PXDNL: variants seen among roughly 807,000 people sequenced by gnomAD.
PXDNL encodes the protein peroxidasin like.
A neutral mutation model predicts 150.8 loss-of-function variants in PXDNL; 145 were observed. The ratio of observed to expected loss-of-function variants is 0.96; its 90% CI spans 0.84 to 1.10. PXDNL has a LOEUF of 1.10. Ranked by LOEUF, PXDNL falls within the 50% of genes least tolerant of loss-of-function variation. PXDNL has a pLI of 0.00. For synonymous variants in PXDNL, 757 were observed against 725.7 expected (o/e 1.04, Z -0.69); for missense variants, 2,087 against 1,873.9 (o/e 1.11, Z -2.10).
chr8:51,450,029 A>T (rs1809766983), intron 10 of PXDNL, among the ~76,000 whole-genome samples: 1 of 152,196 alleles, frequency 6.6e-6, no homozygotes, highest in Admixed American at 6.5e-5. Flanking sequence ...TGTGCTAAAC[A>T]TGGGGTGGAT....
At chr8:51,576,905 T>A (rs1274258473) in intron 3 of PXDNL, among the ~76,000 whole-genome samples, 16 of 151,708 alleles carry the variant, frequency 1.1e-4, no homozygotes. Context: ...TTAGAAAAAA[T>A]GGACAACTTC....
At chr8:51,564,238 G>A (rs890080655) in intron 3 of PXDNL, among the ~76,000 whole-genome samples, 13 of 151,940 alleles carry the variant, frequency 8.6e-5, no homozygotes, top group Non-Finnish European at 1.5e-4. Context: ...AGCACTCAAA[G>A]TCTAACGGGA....
At chr8:51,554,106 T>C (rs1812552008) in intron 4 of PXDNL, among the ~76,000 whole-genome samples, 1 of 152,188 alleles carries the variant, frequency 6.6e-6, no homozygotes, top group Non-Finnish European at 1.5e-5. Context: ...TAAAGACTTA[T>C]CGTGTGAGGT....
intron 16 of PXDNL, among the ~76,000 whole-genome samples, chr8:51,410,473 G>C (rs137977770): frequency 5.9e-5 from 9 of 152,306 alleles, no homozygotes; most frequent in Non-Finnish European, 1.2e-4. Context: ...ATCATACTGG[G>C]TGACCAGGGA....
chr8:51,805,420 C>T (rs1455848462), intron 1 of PXDNL, among the ~76,000 whole-genome samples: 2 of 147,260 alleles, frequency 1.4e-5, no homozygotes, highest in African/African-American at 4.9e-5. Flanking sequence ...CCTATTATTC[C>T]ATAACACATC....
chr8:51,767,073 CCTT>C (rs1563314925), intron 1 of PXDNL, among the ~76,000 whole-genome samples: 1 of 151,838 alleles, frequency 6.6e-6, no homozygotes, highest in Non-Finnish European at 1.5e-5. Flanking sequence ...CTATGTCTGT[CCTT>C]CTATTCTTTA....
intron 1 of PXDNL, among the ~76,000 whole-genome samples, chr8:51,745,582 AC>A (rs1439725043): frequency 6.6e-6 from 1 of 152,176 alleles, no homozygotes; most frequent in East Asian, 1.9e-4. Context: ...GCAAATGGCC[AC>A]CCTGTTCCCA....
intron 20 of PXDNL, among the ~76,000 whole-genome samples, chr8:51,341,105 G>T (rs1805973148): frequency 1.3e-5 from 2 of 152,216 alleles, no homozygotes; most frequent in Non-Finnish European, 2.9e-5. Flanking sequence ...CAGGCATTCT[G>T]CTCAGGTAGA....
chr8:51,512,540 T>C (rs1811444441), intron 4 of PXDNL, among the ~76,000 whole-genome samples: 1 of 152,256 alleles, frequency 6.6e-6, no homozygotes, highest in Non-Finnish European at 1.5e-5. Flanking sequence ...ACTCCATTTT[T>C]GTTTAAGGGG....
At chr8:51,664,975 G>A (rs746612278) in intron 1 of PXDNL, among the ~76,000 whole-genome samples, 6 of 152,124 alleles carry the variant, frequency 3.9e-5, no homozygotes, top group Non-Finnish European at 8.8e-5. Flanking sequence ...TGGTGAAGTC[G>A]AGGGCACCAC....
intron 5 of PXDNL, among the ~76,000 whole-genome samples, chr8:51,490,598 T>C (rs1810866148): frequency 6.6e-6 from 1 of 150,546 alleles, no homozygotes; most frequent in South Asian, 2.1e-4. Flanking sequence ...TATATATATA[T>C]ATTTAGTGGA....
At chr8:51,325,361 G>A (rs1032910746) in intron 21 of PXDNL, among the ~76,000 whole-genome samples, 1 of 152,190 alleles carries the variant, frequency 6.6e-6, no homozygotes, top group Non-Finnish European at 1.5e-5. Context: ...GGCATGGGAA[G>A]AGGGGTCCCA....
intron 4 of PXDNL, among the ~76,000 whole-genome samples, chr8:51,532,651 T>C (rs911854644): frequency 1.3e-5 from 2 of 152,238 alleles, no homozygotes; most frequent in Admixed American, 6.5e-5. Flanking sequence ...GTAAGCAGAA[T>C]GTAAAGGCTT....
chr8:51,722,054 T>A (rs4873582), intron 1 of PXDNL: 184,657 of 190,620 alleles, frequency 0.97, 89,711 homozygotes, highest in East Asian at 1. Context: ...AATCTGCTGC[T>A]GCTGTTCTAC....
At chr8:51,457,252 T>C (rs1809956865) in intron 9 of PXDNL, among the ~76,000 whole-genome samples, 2 of 152,322 alleles carry the variant, frequency 1.3e-5, no homozygotes, top group Middle Eastern at 3.4e-3. Flanking sequence ...GCTGGATAGC[T>C]GGATGGGGAA....
At chr8:51,678,836 G>A (rs972438532) in intron 1 of PXDNL, among the ~76,000 whole-genome samples, 2 of 152,072 alleles carry the variant, frequency 1.3e-5, no homozygotes, top group African/African-American at 2.4e-5. Flanking sequence ...CCTGCACATT[G>A]TGCACATGTA....
chr8:51,414,056 G>T (rs75418328), intron 14 of PXDNL, among the ~76,000 whole-genome samples: 4,647 of 152,044 alleles, frequency 0.031, 179 homozygotes, highest in African/African-American at 0.09. Flanking sequence ...TTTAAATGTT[G>T]AGTTTGAAAA....
intron 1 of PXDNL, among the ~76,000 whole-genome samples, chr8:51,660,760 C>G (rs34276635): frequency 0.66 from 100,883 of 152,030 alleles, 34,007 homozygotes; most frequent in Non-Finnish European, 0.72. Flanking sequence ...GAGGGAGAAG[C>G]TGATTCCTAA....
intron 2 of PXDNL, among the ~76,000 whole-genome samples, chr8:51,600,107 C>CTT (rs1184143078): frequency 0.017 from 1,995 of 116,778 alleles, 166 homozygotes; most frequent in African/African-American, 0.061. Context: ...TAAATTATAT[C>CTT]ATATAAATTA....
Sources: allele counts gnomAD v4.1 joint callset (sites outside exome capture counted in the v4.1 genomes callset), GRCh38; gene constraint gnomAD v4.1.1; transcripts MANE v1.5; gene names NCBI Gene and HGNC (gene_info 2026-07-23, HGNC 2026-07-21).